The following KCNH1 variants were observed in gnomAD, a reference collection of about 807,000 sequenced individuals.
KCNH1 encodes the protein voltage-gated delayed rectifier potassium channel KCNH1.
A neutral mutation model predicts 69.2 loss-of-function variants in KCNH1; 27 were observed. The ratio of observed to expected loss-of-function variants is 0.39; its 90% CI spans 0.29 to 0.54. The LOEUF is 0.54. Ranked by LOEUF, KCNH1 falls within the 20% of genes least tolerant of loss-of-function variation. The pLI is 0.68. For synonymous variants in KCNH1, 456 were observed against 487.7 expected (o/e 0.93, Z 0.86); for missense variants, 798 against 1,261.6 (o/e 0.63, Z 5.57).
rs1351524856 is a variant in KCNH1, at chr1:210,682,007, A to C, written c.*1274T>G. 2.6e-5 allele frequency: 4 copies of C among 152,170 alleles called. No homozygotes were observed. The highest frequency in any genetic ancestry group is 9.7e-5 in the African/African-American group (4 of 41,436). The allele number at this position is 152,170 out of a possible 1,614,324, so 9.4% of individuals were successfully genotyped here. ...CGTGGCATAGGGGCTTGGATGGCCC[A>C]TACGCAGTTCTGTGACCATCACTGG... On this transcript the variant is annotated 3_prime_UTR_variant, in exon 11 of 11. Coordinates refer to ENST00000271751, the MANE Select transcript of KCNH1 (RefSeq NM_172362.3).
At chr1:211,013,552 C>G (rs557084518) in intron 6 of KCNH1, among the ~76,000 whole-genome samples, 80 of 152,338 alleles carry the variant, frequency 5.3e-4, no homozygotes, top group African/African-American at 1.9e-3. Context: ...CTTCCAGATT[C>G]TCTGAAGAGA....
chr1:210,849,929 A>G (rs1255199429), intron 7 of KCNH1, among the ~76,000 whole-genome samples: 1 of 144,922 alleles, frequency 6.9e-6, no homozygotes, highest in Non-Finnish European at 1.5e-5. Flanking sequence ...ATAATAATAA[A>G]ATTTTAAAAA....
intron 10 of KCNH1, among the ~76,000 whole-genome samples, chr1:210,690,218 A>G (rs1681500037): frequency 6.6e-6 from 1 of 150,706 alleles, no homozygotes; most frequent in Non-Finnish European, 1.5e-5. Context: ...AGCTGTCTAG[A>G]GTTGGGGTAC....
intron 10 of KCNH1, among the ~76,000 whole-genome samples, chr1:210,757,248 C>T (rs946993547): frequency 6.6e-6 from 1 of 152,122 alleles, no homozygotes; most frequent in African/African-American, 2.4e-5. Flanking sequence ...GCATCTGGGC[C>T]CTATGGAGCC....
At chr1:211,014,507 T>C (rs1038765386) in intron 6 of KCNH1, among the ~76,000 whole-genome samples, 2 of 152,204 alleles carry the variant, frequency 1.3e-5, no homozygotes, top group African/African-American at 4.8e-5. Context: ...GCAGCTTAAA[T>C]CATGGAGATG....
chr1:210,868,427 A>ATT (rs71134642), intron 7 of KCNH1, among the ~76,000 whole-genome samples: 9 of 151,778 alleles, frequency 5.9e-5, no homozygotes, highest in Non-Finnish European at 1.2e-4. Flanking sequence ...CTAATGTATA[A>ATT]TTTTTTCTTT....
chr1:210,989,948 A>T (rs1688908726), intron 6 of KCNH1, among the ~76,000 whole-genome samples: 1 of 152,172 alleles, frequency 6.6e-6, no homozygotes, highest in Non-Finnish European at 1.5e-5. Context: ...CTTCTGTGTG[A>T]TTGCAGAAAA....
At chr1:211,003,871 A>G (rs1226573923) in intron 6 of KCNH1, among the ~76,000 whole-genome samples, 2 of 152,194 alleles carry the variant, frequency 1.3e-5, no homozygotes, top group Non-Finnish European at 2.9e-5. Flanking sequence ...AGGCAGGCGG[A>G]TCACGAGGTC....
At chr1:211,083,341 T>C (rs943041005) in intron 4 of KCNH1, among the ~76,000 whole-genome samples, 2 of 152,270 alleles carry the variant, frequency 1.3e-5, no homozygotes, top group Non-Finnish European at 2.9e-5. Context: ...AACAGTTGGT[T>C]CTGCATTTTA....
chr1:210,860,047 C>T (rs567116427), intron 7 of KCNH1: 194 of 1,485,044 alleles, frequency 1.3e-4, no homozygotes, highest in Non-Finnish European at 1.6e-4. Context: ...CACTGCAGAA[C>T]GATGACCTCT....
intron 6 of KCNH1, among the ~76,000 whole-genome samples, chr1:210,942,770 T>TAA (rs554718903): frequency 1.3e-4 from 18 of 143,784 alleles, no homozygotes; most frequent in East Asian, 4.0e-4. Flanking sequence ...ATAAGGTTAT[T>TAA]AAAAAAAAAA....
At position 211,078,866 on chromosome 1, in the gene KCNH1, C is replaced by T. The variant is rs371440847; in HGVS notation, c.558+3914G>A. On this transcript the variant is annotated intron_variant, in intron 5 of 10. Transcript: ENST00000271751. ...CCGGGAGGCAGAGCTCACAGTGAGC[C>T]GAGATCACACCACTGCACTCCAGCC... Among the ~76,000 whole-genome samples, 165 of 139,230 alleles carry T rather than the reference C, an allele frequency of 1.2e-3. 2 individuals are homozygous for T. The East Asian group carries it at 0.031, about 26-fold the overall frequency. 91.3% of individuals were successfully genotyped at this position (139,230 alleles called of 152,430 possible). A position where few individuals can be genotyped will look rare whatever the true frequency, so the allele number is the denominator to read the frequency against.
chr1:210,807,480 C>T (rs1303728611), intron 7 of KCNH1, among the ~76,000 whole-genome samples: 3 of 152,006 alleles, frequency 2.0e-5, no homozygotes, highest in African/African-American at 4.8e-5. Context: ...GGCATGGTGG[C>T]ACATGCCTGT....
chr1:210,747,174 C>T (rs1683179296), intron 10 of KCNH1, among the ~76,000 whole-genome samples: 1 of 152,118 alleles, frequency 6.6e-6, no homozygotes, highest in Non-Finnish European at 1.5e-5. Context: ...AAACTGATTT[C>T]TATAAAATGA....
chr1:211,054,786 A>C (rs1362005674), intron 5 of KCNH1, among the ~76,000 whole-genome samples: 2 of 152,096 alleles, frequency 1.3e-5, no homozygotes, highest in African/African-American at 4.8e-5. Flanking sequence ...CTTTGAAACC[A>C]ATAGAAAAAA....
At chr1:210,848,234 A>T (rs1299135406) in intron 7 of KCNH1, among the ~76,000 whole-genome samples, 1 of 152,232 alleles carries the variant, frequency 6.6e-6, no homozygotes, top group Non-Finnish European at 1.5e-5. Context: ...TCAACATACC[A>T]TATCTCTTTC....
chr1:210,977,414 G>T (rs1247023361), intron 6 of KCNH1, among the ~76,000 whole-genome samples: 1 of 151,844 alleles, frequency 6.6e-6, no homozygotes, highest in Non-Finnish European at 1.5e-5. Context: ...TGCACGTTGT[G>T]CACTTGTACC....
At chr1:211,076,884 C>T (rs144002142) in intron 5 of KCNH1, among the ~76,000 whole-genome samples, 1,749 of 152,282 alleles carry the variant, frequency 0.011, 29 homozygotes, top group Middle Eastern at 0.02. Flanking sequence ...TGAATGGCTA[C>T]CTAGAATAAA....
intron 10 of KCNH1, among the ~76,000 whole-genome samples, chr1:210,701,227 A>G (rs896746493): frequency 6.6e-6 from 1 of 152,246 alleles, no homozygotes; most frequent in Non-Finnish European, 1.5e-5. Context: ...GTGAGCCACC[A>G]CACCCGGCCC....
Sources: gnomAD v4.1 joint callset for allele counts (sites outside exome capture counted in the v4.1 genomes callset) on GRCh38, gnomAD v4.1.1 for gene constraint, MANE v1.5 for transcripts, NCBI Gene and HGNC (gene_info 2026-07-23, HGNC 2026-07-21) for gene names.